SH3D19: variants seen among roughly 807,000 people sequenced by gnomAD.
SH3D19 encodes the protein SH3 domain-containing protein 19.
Under a neutral mutation model 112.1 loss-of-function variants are expected in SH3D19, and 58 were observed. The observed-to-expected ratio is 0.52, with a 90% CI of 0.42 to 0.64. SH3D19 has a LOEUF of 0.64. SH3D19 is among the 30% of genes least tolerant of loss of function. SH3D19 has a pLI of 0.00. For synonymous variants in SH3D19, 391 were observed against 448.5 expected (o/e 0.87, Z 1.62); for missense variants, 1,090 against 1,263.4 (o/e 0.86, Z 2.08).
At chr4:151,291,051 C>T (rs1392260772) in intron 1 of SH3D19, 2 of 1,242,584 alleles carry the variant, frequency 1.6e-6, no homozygotes, top group Non-Finnish European at 1.1e-6. Flanking sequence ...AATTCTCCAC[C>T]CCTTATTACT....
chr4:151,169,264 A>G (rs1758635016), intron 7 of SH3D19, among the ~76,000 whole-genome samples: 1 of 152,204 alleles, frequency 6.6e-6, no homozygotes, highest in South Asian at 2.1e-4. Flanking sequence ...CAGATAGTGT[A>G]TAATTATTCT....
rs1747930901 is a variant in SH3D19, at chr4:151,121,173, T to C, written c.*918A>G. 1 of 152,636 alleles carries C rather than the reference T, an allele frequency of 6.6e-6. No individual in the cohort carries two copies. The highest frequency in any genetic ancestry group is 2.4e-5 in the African/African-American group (1 of 41,470). 9.5% of individuals were successfully genotyped at this position (152,636 alleles called of 1,614,324 possible). A position where few individuals can be genotyped will look rare whatever the true frequency, so the allele number is the denominator to read the frequency against. On this transcript the variant is annotated 3_prime_UTR_variant, in exon 20 of 20. Transcript: ENST00000604030. ...GTTTTCCATCTTAACAGTTGTTCTG[T>C]ATTGTAAGATTTTATATGTGATTCA...
intron 1 of SH3D19, among the ~76,000 whole-genome samples, chr4:151,320,225 AT>A (rs1430125997): frequency 2.0e-5 from 3 of 152,350 alleles, no homozygotes; most frequent in African/African-American, 7.2e-5. Flanking sequence ...GAAAGAGTAA[AT>A]TTAGTTAGCA....
intron 1 of SH3D19, among the ~76,000 whole-genome samples, chr4:151,263,857 G>A (rs1213966401): frequency 6.6e-6 from 1 of 152,174 alleles, no homozygotes; most frequent in Non-Finnish European, 1.5e-5. Context: ...CCAGGCTGGA[G>A]TGTGGTGGTA....
chr4:151,234,284 T>C (rs745802010), intron 1 of SH3D19, among the ~76,000 whole-genome samples: 1 of 152,262 alleles, frequency 6.6e-6, no homozygotes, highest in Non-Finnish European at 1.5e-5. Flanking sequence ...ATTCTGATTG[T>C]TGAATTCAAC....
intron 2 of SH3D19, among the ~76,000 whole-genome samples, chr4:151,205,109 A>G (rs1764912981): frequency 6.6e-6 from 1 of 152,134 alleles, no homozygotes; most frequent in Non-Finnish European, 1.5e-5. Flanking sequence ...GCATGAGCCA[A>G]GGGTGCCCGG....
At chr4:151,250,911 G>C (rs1771327867) in intron 1 of SH3D19, among the ~76,000 whole-genome samples, 1 of 152,196 alleles carries the variant, frequency 6.6e-6, no homozygotes, top group African/African-American at 2.4e-5. Flanking sequence ...AGTCAACAAA[G>C]ACTGTTGGCC....
Position 151,139,153 on chromosome 4 carries a change from ATT to A in SH3D19, c.2296+620_2296+621del, listed in dbSNP as rs572032293. On this transcript the variant is annotated intron_variant, in intron 13 of 19. Coordinates refer to ENST00000604030, the MANE Select transcript of SH3D19 (RefSeq NM_001378122.1). The stretch of plus-strand genomic sequence containing the variant: ...TTACAATTGTTAATTAGTACCCACT[ATT>A]TTTTTTTTTCTTTTTTGAGACGGAG... Among the ~76,000 whole-genome samples, 401 of 141,684 alleles carry A rather than the reference ATT, an allele frequency of 2.8e-3. 1 individual carries two copies. Among genetic ancestry groups the A allele is most frequent in the Non-Finnish European group, 4.1e-3 (267 of 64,884 alleles). The allele number at this position is 141,684 out of a possible 152,430, so 93.0% of individuals were successfully genotyped here.
chr4:151,145,926 G>GTTATTTAATACA (rs1316173773), intron 11 of SH3D19, among the ~76,000 whole-genome samples: 4 of 152,190 alleles, frequency 2.6e-5, no homozygotes, highest in Non-Finnish European at 4.4e-5. Context: ...GAATAAATGA[G>GTTATTTAATACA]TTATTTAATA....
chr4:151,254,117 C>T (rs142801916), intron 1 of SH3D19, among the ~76,000 whole-genome samples: 2 of 152,252 alleles, frequency 1.3e-5, no homozygotes, highest in East Asian at 1.9e-4. Flanking sequence ...TGAAAACATG[C>T]GTTACCCTCT....
chr4:151,201,809 G>C (rs941059301), intron 2 of SH3D19, among the ~76,000 whole-genome samples: 1 of 151,812 alleles, frequency 6.6e-6, no homozygotes, highest in African/African-American at 2.4e-5. Flanking sequence ...TCAGGAGTTC[G>C]AGACCAGCCT....
At chr4:151,229,021 G>A (rs114440836) in intron 1 of SH3D19, among the ~76,000 whole-genome samples, 3,710 of 144,458 alleles carry the variant, frequency 0.026, 62 homozygotes, top group Middle Eastern at 0.049. Flanking sequence ...ATGCCACCAC[G>A]CCTAGCTAAT....
At chr4:151,160,676 TTC>T (rs1304781341) in intron 8 of SH3D19, among the ~76,000 whole-genome samples, 4 of 68,274 alleles carry the variant, frequency 5.9e-5, no homozygotes, top group East Asian at 4.7e-4. Context: ...CTCTGTCTCT[TTC>T]TCTCTCTTTT....
At chr4:151,127,551 C>T in intron 19 of SH3D19, 67 bp downstream of exon 19, 1 of 912,496 alleles carries the variant, frequency 1.1e-6, no homozygotes, top group East Asian at 2.7e-5. Flanking sequence ...AATGTTCCAT[C>T]CTTCAATGGA....
intron 19 of SH3D19, among the ~76,000 whole-genome samples, chr4:151,125,541 GGGAAAGAAA>G (rs1010734699): frequency 4.1e-5 from 6 of 147,626 alleles, no homozygotes; most frequent in African/African-American, 1.5e-4. Context: ...AAGGAAAGAA[GGGAAAGAAA>G]GGAAAGAAAG....
intron 1 of SH3D19, among the ~76,000 whole-genome samples, chr4:151,289,802 G>A (rs1457098625): frequency 6.6e-6 from 1 of 152,134 alleles, no homozygotes; most frequent in Non-Finnish European, 1.5e-5. Flanking sequence ...CACGTGAGCT[G>A]GGCACAGTGG....
At chr4:151,234,495 G>C (rs1769853807) in intron 1 of SH3D19, among the ~76,000 whole-genome samples, 1 of 152,136 alleles carries the variant, frequency 6.6e-6, no homozygotes, top group South Asian at 2.1e-4. Context: ...AGCTGGCTTA[G>C]AGAAAGGGGG....
At chr4:151,227,919 T>G (rs773847622) in intron 1 of SH3D19, 23 of 985,424 alleles carry the variant, frequency 2.3e-5, no homozygotes, top group Non-Finnish European at 2.8e-5. Context: ...TCACGATGCA[T>G]GTAAACAAGA....
At chr4:151,286,982 AAAT>A (rs113584974) in intron 1 of SH3D19, among the ~76,000 whole-genome samples, 1,704 of 141,816 alleles carry the variant, frequency 0.012, 30 homozygotes, top group African/African-American at 0.039. Flanking sequence ...TCTGTCTCAA[AAAT>A]AATAATAATA....
Sources: gnomAD v4.1 joint callset for allele counts (sites outside exome capture counted in the v4.1 genomes callset) on GRCh38, gnomAD v4.1.1 for gene constraint, MANE v1.5 for transcripts, NCBI Gene and HGNC (gene_info 2026-07-23, HGNC 2026-07-21) for gene names.